EYS: variants seen among roughly 807,000 people sequenced by gnomAD.
EYS encodes EGF-like photoreceptor maintenance factor.
A neutral mutation model predicts 282.1 loss-of-function variants in EYS; 250 were observed. That is an observed-to-expected ratio of 0.89 (90% CI 0.80 to 0.98). EYS has a LOEUF of 0.98. EYS is among the 50% of genes least tolerant of loss of function. The pLI is 0.00. For synonymous variants in EYS, 1,355 were observed against 1,282.9 expected, an observed-to-expected ratio of 1.06 and a Z score of -1.20; for missense variants, 4,016 against 3,709.0, an observed-to-expected ratio of 1.08 and a Z score of -2.15.
At chr6:64,571,131 C>G (rs969194313) in intron 26 of EYS, among the ~76,000 whole-genome samples, 1 of 152,170 alleles carries the variant, frequency 6.6e-6, no homozygotes, top group African/African-American at 2.4e-5. Flanking sequence ...GAAACTCACT[C>G]AAAACCACAC....
At chr6:63,889,111 A>G (rs1773342571) in intron 35 of EYS, among the ~76,000 whole-genome samples, 1 of 152,188 alleles carries the variant, frequency 6.6e-6, no homozygotes, top group Non-Finnish European at 1.5e-5. Context: ...GAAAGGAATA[A>G]ACAAGGCCTC....
chr6:65,688,435 A>G (rs890443347), intron 1 of EYS, among the ~76,000 whole-genome samples: 15 of 152,200 alleles, frequency 9.9e-5, no homozygotes, highest in Non-Finnish European at 1.9e-4. Flanking sequence ...AATTAATTCA[A>G]GATGGATTAA....
At chr6:65,234,842 T>C (rs1338236164) in intron 12 of EYS, among the ~76,000 whole-genome samples, 2 of 152,200 alleles carry the variant, frequency 1.3e-5, no homozygotes, top group Non-Finnish European at 2.9e-5. Context: ...GATTTAAAGA[T>C]ACTACATAGC....
At chr6:64,115,140 C>G (rs1017024802) in intron 31 of EYS, among the ~76,000 whole-genome samples, 12 of 152,204 alleles carry the variant, frequency 7.9e-5, no homozygotes, top group African/African-American at 2.9e-4. Context: ...GAAGGTACAT[C>G]TATGGCCCAG....
At chr6:65,227,347 T>G in intron 12 of EYS, among the ~76,000 whole-genome samples, 1 of 152,116 alleles carries the variant, frequency 6.6e-6, no homozygotes, top group East Asian at 1.9e-4. Context: ...ATGAGTTTTC[T>G]TTGTGAGGTG....
At chr6:65,465,997 T>C (rs935167944) in intron 5 of EYS, among the ~76,000 whole-genome samples, 7 of 144,988 alleles carry the variant, frequency 4.8e-5, no homozygotes, top group South Asian at 4.4e-4. Flanking sequence ...AATCAATCAA[T>C]CAATAATAAA....
intron 36 of EYS, chr6:63,821,384 G>A (rs1287107550): frequency 6.6e-6 from 1 of 152,130 alleles, no homozygotes; most frequent in Admixed American, 6.5e-5. Flanking sequence ...CACCCTTATT[G>A]AGAGTATAAA....
At chr6:65,029,279 A>G (rs904676216) in intron 13 of EYS, among the ~76,000 whole-genome samples, 5 of 152,156 alleles carry the variant, frequency 3.3e-5, no homozygotes, top group African/African-American at 7.2e-5. Context: ...TATAAAGGGA[A>G]AGAGTTAGGA....
intron 35 of EYS, among the ~76,000 whole-genome samples, chr6:63,913,765 G>C (rs1764343355): frequency 6.6e-6 from 1 of 152,078 alleles, no homozygotes; most frequent in African/African-American, 2.4e-5. Context: ...TTTTAGTTAT[G>C]AACAATGCTG....
In EYS at chr6:64,523,455, C is replaced by A. The variant is rs191527314; in HGVS notation, c.5644+66768G>T. On this transcript the variant is annotated intron_variant, in intron 26 of 42. Coordinates refer to ENST00000503581, the MANE Select transcript of EYS (RefSeq NM_001142800.2). ...ATTCATATATTAGTACTCGCATACA[C>A]AATTATTAACAAATCAGGAAATTTC... Among the ~76,000 whole-genome samples, 1,292 of 151,830 alleles carry A rather than the reference C, an allele frequency of 8.5e-3. 5 individuals carry two copies. The highest frequency in any genetic ancestry group is 0.013 in the Non-Finnish European group (901 of 67,784).
chr6:65,599,418 T>A (rs73742022), intron 2 of EYS, among the ~76,000 whole-genome samples: 7,726 of 152,088 alleles, frequency 0.051, 605 homozygotes, highest in African/African-American at 0.16. Flanking sequence ...TCACAGAGGT[T>A]ATGTTCTTCA....
chr6:65,168,139 A>T (rs1185708285), intron 12 of EYS, among the ~76,000 whole-genome samples: 1 of 151,234 alleles, frequency 6.6e-6, no homozygotes, highest in Non-Finnish European at 1.5e-5. Flanking sequence ...TCAATCTGTT[A>T]GTGACATGAC....
rs540611114 is a variant in EYS at position 65,353,499 on chromosome 6, C to T, written c.1418G>A (p.Gly473Asp). The stretch of plus-strand genomic sequence containing the variant: ...CCACACATATTCAAATTGAGCAGGA[C>T]CTTTATCTTGGCAAATACCATGGAA... ...VTFHGICQDK[G>D]PAQFEYVWQL... The change falls in exon 9 of 43, where the codon GGT becomes GAT. Residue 473 changes from glycine to aspartate, a missense_variant. Gly to Asp is a moderately conservative substitution (Grantham distance 94). Transcript: ENST00000503581. The T allele has an allele frequency of 7.4e-6, 12 of 1,613,006 alleles. No individual in the cohort carries two copies. The South Asian group carries it at 7.7e-5, about 10-fold the overall frequency.
At chr6:64,334,012 T>G (rs1375356802) in intron 29 of EYS, among the ~76,000 whole-genome samples, 38 of 152,176 alleles carry the variant, frequency 2.5e-4, no homozygotes, top group Admixed American at 2.5e-3. Flanking sequence ...AACCCCATCA[T>G]CGGAAAATAC....
chr6:65,431,897 T>G (rs1289704552), intron 5 of EYS, among the ~76,000 whole-genome samples: 2 of 152,162 alleles, frequency 1.3e-5, no homozygotes, highest in African/African-American at 4.8e-5. Context: ...AGATCAAATA[T>G]AAATCTTTCA....
At chr6:65,580,381 A>G (rs560910721) in intron 2 of EYS, among the ~76,000 whole-genome samples, 1 of 152,284 alleles carries the variant, frequency 6.6e-6, no homozygotes, top group Non-Finnish European at 1.5e-5. Flanking sequence ...TTAGAATCCA[A>G]ACAGAACTCA....
intron 2 of EYS, among the ~76,000 whole-genome samples, chr6:65,555,413 T>TGCCA (rs1352510331): frequency 6.6e-6 from 1 of 152,162 alleles, no homozygotes; most frequent in Non-Finnish European, 1.5e-5. Context: ...TTAAATGATC[T>TGCCA]ATTTAGCCCT....
At chr6:64,744,407 A>G (rs1772482828) in intron 22 of EYS, among the ~76,000 whole-genome samples, 1 of 152,160 alleles carries the variant, frequency 6.6e-6, no homozygotes, top group Non-Finnish European at 1.5e-5. Context: ...AAGAGACCCA[A>G]TCAAGGCATC....
In EYS at chr6:63,748,049, A is replaced by C. The variant is rs891739733; in HGVS notation, c.8071+14412T>G. Reference sequence around the variant, plus strand: ...ATGCAGTTTCTTCATAGTGTCACTGATCTTAATAATTTGGTATGTTTTTGC... The same window carrying C: ...ATGCAGTTTCTTCATAGTGTCACTGCTCTTAATAATTTGGTATGTTTTTGC... On this transcript the variant is annotated intron_variant, in intron 41 of 42. Transcript: ENST00000503581. Among the ~76,000 whole-genome samples the C allele has an allele frequency of 2.6e-5, 4 of 152,080 alleles. No individual in the cohort carries two copies. The East Asian group carries it at 5.8e-4, about 22-fold the overall frequency.
Sources: allele counts gnomAD v4.1 joint callset (sites outside exome capture counted in the v4.1 genomes callset), GRCh38; gene constraint gnomAD v4.1.1; transcripts MANE v1.5; gene names NCBI Gene and HGNC (gene_info 2026-07-23, HGNC 2026-07-21).